NRXN3: variants seen among roughly 807,000 people sequenced by gnomAD.
The protein encoded by NRXN3 is neurexin III.
NRXN3 carries 32 observed loss-of-function variants against 137.6 expected under a neutral mutation model. The ratio of observed to expected loss-of-function variants is 0.23; its 90% CI spans 0.18 to 0.31. The LOEUF (loss-of-function observed/expected upper bound fraction) is 0.31, where lower values mean the gene tolerates loss of function less well. Ranked by LOEUF, NRXN3 falls within the 10% of genes least tolerant of loss-of-function variation. The pLI, the probability that NRXN3 is intolerant of heterozygous loss-of-function variation, is 1.00. For missense variants in NRXN3, 1,574 were observed against 2,062.5 expected (o/e 0.76, Z 4.59); for synonymous variants, 798 against 784.5 (o/e 1.02, Z -0.29).
chr14:79,821,055 G>A (rs1052229832), intron 20 of NRXN3, among the ~76,000 whole-genome samples: 4 of 151,890 alleles, frequency 2.6e-5, no homozygotes, highest in African/African-American at 9.7e-5. Context: ...GGAGGCATTA[G>A]GAAAGGCTTT....
At chr14:78,548,308 C>A (rs976988683) in intron 4 of NRXN3, among the ~76,000 whole-genome samples, 1 of 152,014 alleles carries the variant, frequency 6.6e-6, no homozygotes, top group Non-Finnish European at 1.5e-5. Context: ...CAATAATTAA[C>A]CATTTTTAGT....
At chr14:78,810,178 G>A in intron 9 of NRXN3, 140 bp from the exon 10 acceptor site, 1 of 616,800 alleles carries the variant, frequency 1.6e-6, no homozygotes, top group Non-Finnish European at 2.9e-6. Flanking sequence ...CCTTAAACTT[G>A]TACATACTTT....
chr14:78,348,107 A>C (rs1224564811), intron 4 of NRXN3, among the ~76,000 whole-genome samples: 1 of 152,170 alleles, frequency 6.6e-6, no homozygotes, highest in African/African-American at 2.4e-5. Flanking sequence ...CCAGGTGTGC[A>C]TGGCATCAAA....
intron 15 of NRXN3, among the ~76,000 whole-genome samples, chr14:79,090,899 A>G (rs2049035076): frequency 6.6e-6 from 1 of 152,154 alleles, no homozygotes; most frequent in Non-Finnish European, 1.5e-5. Context: ...TAATGGAAAC[A>G]TAAAGCCCCA....
At position 78,803,772 on chromosome 14, in the gene NRXN3, A is replaced by T; in HGVS notation, c.2197A>T (p.Thr733Ser). The change falls in exon 9 of 21, where the codon ACC becomes TCC. Residue 733 changes from threonine to serine, a missense_variant. Thr to Ser is a moderately conservative substitution (Grantham distance 58). Around this residue, in one of 5 missense-constraint regions of NRXN3, gnomAD observed 718 missense variants for 887.6 expected, o/e 0.81. Transcript: ENST00000335750. ...TACGACCTCCAGGGACTCTGCCGACACCCTGCGTCTGGAGCTGGATGGGGG... is the reference window on the plus strand; with the variant it reads ...TACGACCTCCAGGGACTCTGCCGACTCCCTGCGTCTGGAGCTGGATGGGGG... ...VATTSRDSAD[T>S]LRLELDGGRV... The T allele has an allele frequency of 6.2e-7, 1 of 1,613,950 alleles. No homozygotes were observed. The highest frequency in any genetic ancestry group is 8.5e-7 in the Non-Finnish European group (1 of 1,179,996).
At chr14:79,393,039 C>T (rs538787648) in intron 15 of NRXN3, among the ~76,000 whole-genome samples, 1 of 150,554 alleles carries the variant, frequency 6.6e-6, no homozygotes, top group South Asian at 2.1e-4. Context: ...AATAGGAACG[C>T]TTTTATACTG....
intron 15 of NRXN3, chr14:79,280,122 A>G: frequency 7.0e-7 from 1 of 1,431,374 alleles, no homozygotes; most frequent in Non-Finnish European, 9.1e-7. Context: ...TTCTTTAAGT[A>G]GTAATTTTTT....
At chr14:78,265,881 T>A (rs1179487744) in intron 2 of NRXN3, among the ~76,000 whole-genome samples, 1 of 152,248 alleles carries the variant, frequency 6.6e-6, no homozygotes, top group Non-Finnish European at 1.5e-5. Context: ...TGATTATTTG[T>A]GGCCCATCTT....
At chr14:78,335,316 C>T (rs2081332075) in intron 4 of NRXN3, among the ~76,000 whole-genome samples, 1 of 152,162 alleles carries the variant, frequency 6.6e-6, no homozygotes, top group Non-Finnish European at 1.5e-5. Context: ...CAAGTTTTAC[C>T]CATTGTCTGT....
intron 14 of NRXN3, among the ~76,000 whole-genome samples, chr14:78,969,148 T>C (rs1040210968): frequency 6.6e-6 from 1 of 152,248 alleles, no homozygotes; most frequent in Non-Finnish European, 1.5e-5. Context: ...AATATTATTT[T>C]ATGTCAAACA....
At chr14:79,333,274 G>A (rs1356953399) in intron 15 of NRXN3, among the ~76,000 whole-genome samples, 6 of 152,056 alleles carry the variant, frequency 3.9e-5, no homozygotes. Flanking sequence ...GGTTCAGCCT[G>A]ATTCCTCTCC....
At chr14:78,784,137 G>A (rs1365483020) in intron 8 of NRXN3, among the ~76,000 whole-genome samples, 1 of 151,588 alleles carries the variant, frequency 6.6e-6, no homozygotes, top group East Asian at 1.9e-4. Context: ...AAATAAATGA[G>A]CTGATGTGAT....
chr14:78,617,678 C>T (rs758131738), intron 4 of NRXN3, among the ~76,000 whole-genome samples: 3 of 151,948 alleles, frequency 2.0e-5, no homozygotes, highest in East Asian at 1.9e-4. Flanking sequence ...GACCTGAGCT[C>T]GACCCTTCAC....
chr14:79,372,699 T>C (rs553510240), intron 15 of NRXN3, among the ~76,000 whole-genome samples: 8 of 152,228 alleles, frequency 5.3e-5, no homozygotes, highest in African/African-American at 9.6e-5. Context: ...AATGTGTGAA[T>C]TGGATATGTG....
intron 15 of NRXN3, among the ~76,000 whole-genome samples, chr14:79,259,909 T>A (rs188785198): frequency 6.6e-6 from 1 of 152,174 alleles, no homozygotes; most frequent in East Asian, 1.9e-4. Context: ...GAAATCAATC[T>A]AATTTCTCCT....
intron 15 of NRXN3, among the ~76,000 whole-genome samples, chr14:79,009,381 A>G (rs78917048): frequency 0.039 from 5,986 of 152,264 alleles, 333 homozygotes; most frequent in African/African-American, 0.12. Context: ...CTTTACTGAG[A>G]ATCCAGGGAT....
At chr14:79,570,522 G>A in intron 16 of NRXN3, 1 of 152,268 alleles carries the variant, frequency 6.6e-6, no homozygotes, top group East Asian at 1.9e-4. Flanking sequence ...TTTCCCCTCA[G>A]GTCAGAAAAT....
At chr14:79,285,193 C>T (rs955353722) in intron 15 of NRXN3, among the ~76,000 whole-genome samples, 2 of 152,158 alleles carry the variant, frequency 1.3e-5, no homozygotes, top group Non-Finnish European at 2.9e-5. Context: ...GACGCACACA[C>T]ACACACAAAA....
chr14:78,883,855 A>G (rs1172558118), intron 10 of NRXN3, among the ~76,000 whole-genome samples: 1 of 152,188 alleles, frequency 6.6e-6, no homozygotes, highest in East Asian at 1.9e-4. Context: ...TGCATGATAT[A>G]GTTTTCTGGG....
Sources: gnomAD v4.1 joint callset for allele counts (sites outside exome capture counted in the v4.1 genomes callset) on GRCh38, gnomAD v4.1.1 for gene constraint, gnomAD v4.1.1 regional missense constraint, MANE v1.5 for transcripts, NCBI Gene and HGNC (gene_info 2026-07-23, HGNC 2026-07-21) for gene names.